The following KRT5 variants were observed in gnomAD, a reference collection of about 807,000 sequenced individuals.
The protein encoded by KRT5 is keratin, type II cytoskeletal 5.
KRT5 carries 17 observed loss-of-function variants against 44.0 expected under a neutral mutation model. The observed-to-expected ratio is 0.39, with a 90% CI of 0.26 to 0.58. The LOEUF (loss-of-function observed/expected upper bound fraction) is 0.58, where lower values mean the gene tolerates loss of function less well. KRT5 is among the 20% of genes least tolerant of loss of function. KRT5 has a pLI of 0.61. For missense variants in KRT5, 737 were observed against 785.5 expected, an observed-to-expected ratio of 0.94 and a Z score of 0.74; for synonymous variants, 329 against 312.8, an observed-to-expected ratio of 1.05 and a Z score of -0.55.
chr12:52,515,066 C>T lies in KRT5; in HGVS notation c.1649G>A (p.Gly550Asp). 1.2e-6 allele frequency: 2 copies of T among 1,612,074 alleles called. No individual in the cohort carries two copies. Among genetic ancestry groups the T allele is most frequent in the Non-Finnish European group, 1.7e-6 (2 of 1,179,358 alleles). ...GCCACTGCTTGCACTGAAGCCAGAGCCCCCCACACTGAGCCCACCACCTAG... is the reference window on the plus strand; with the variant it reads ...GCCACTGCTTGCACTGAAGCCAGAGTCCCCCACACTGAGCCCACCACCTAG... ...VGLGGGLSVG[G>D]SGFSASSGRG... The change falls in exon 9 of 9, where the codon GGC (glycine) becomes GAC (aspartate). Residue 550 changes from glycine (G) to aspartate (D), a missense_variant. Coordinates refer to ENST00000252242, the MANE Select transcript of KRT5 (RefSeq NM_000424.4).
chr12:52,519,965 G>A lies in KRT5; in HGVS notation c.332C>T (p.Ala111Val). The change falls in exon 1 of 9, where the codon GCT becomes GTT. Residue 111 changes from alanine (A) to valine (V), a missense_variant. Physicochemically the swap from Ala to Val is moderately conservative, Grantham distance 64 (BLOSUM62 0). Around this residue, in one of 5 missense-constraint regions of KRT5, gnomAD observed 326 missense variants for 333.1 expected, o/e 0.98. Transcript: ENST00000252242. The stretch of plus-strand genomic sequence containing the variant: ...GCCACCGAGCCCAAAGCCACCACCA[G>A]CTCCACCGCCGAAACCAAATCCACT... ...AGSGFGFGGG[A>V]GGGFGLGGGA... The A allele has an allele frequency of 6.2e-7, 1 of 1,611,518 alleles. No individual in the cohort carries two copies. The highest frequency in any genetic ancestry group is 8.5e-7 in the Non-Finnish European group (1 of 1,178,812).
chr12:52,515,768 C>G (rs774798876), intron 8 of KRT5, 30 bp downstream of exon 8: 5 of 1,578,282 alleles, frequency 3.2e-6, no homozygotes, highest in Non-Finnish European at 4.4e-6. Flanking sequence ...ATATTATTGT[C>G]GTTGTTAATG....
Position 52,520,235 on chromosome 12 carries a change from G to C in KRT5, c.62C>G (p.Ser21Cys). The change falls in exon 1 of 9, where the codon TCT becomes TGT. Residue 21 changes from serine to cysteine, a missense_variant. Physicochemically the swap from Ser to Cys is moderately radical, Grantham distance 112 (BLOSUM62 -1). Coordinates refer to ENST00000252242, the MANE Select transcript of KRT5 (RefSeq NM_000424.4). ...SGGSRSFSTA[S>C]AITPSVSRTS... Reference sequence around the variant, plus strand: ...GCGGGAGACAGACGGGGTGATGGCAGAGGCGGTGCTGAAGCTACGACTGCC... The same window carrying C: ...GCGGGAGACAGACGGGGTGATGGCACAGGCGGTGCTGAAGCTACGACTGCC... The C allele has an allele frequency of 1.2e-6, 2 of 1,614,054 alleles. No individual in the cohort carries two copies. Among genetic ancestry groups the C allele is most frequent in the Non-Finnish European group, 1.7e-6 (2 of 1,180,046 alleles).
At position 52,517,656 on chromosome 12, in the gene KRT5, G is replaced by T. The variant is rs756142099; in HGVS notation, c.1026C>A (p.Val342=). The change falls in exon 5 of 9, where the codon GTC becomes GTA. Residue 342 remains valine (V), a synonymous_variant. Coordinates refer to ENST00000252242, the MANE Select transcript of KRT5 (RefSeq NM_000424.4). The stretch of plus-strand genomic sequence containing the variant: ...TGGCAATCTCCTCATACTGGGCCTT[G>T]ACCTCAGCGATGATGCTATCCAGGT... ...NLDLDSIIAE[V]KAQYEEIANR... 6.2e-7 allele frequency: 1 copy of T among 1,614,206 alleles called. No homozygotes were observed. Among genetic ancestry groups the T allele is most frequent in the East Asian group, 2.2e-5 (1 of 44,878 alleles).
chr12:52,517,083 T>C, intron 6 of KRT5, 24 bp downstream of exon 6: 1 of 1,614,036 alleles, frequency 6.2e-7, no homozygotes, highest in South Asian at 1.1e-5. Context: ...GCCCCTTCCT[T>C]GCCCTCTTTC....
At position 52,520,152 on chromosome 12, in the gene KRT5, C is replaced by A; in HGVS notation, c.145G>T (p.Val49Phe). 1.9e-6 allele frequency: 3 copies of A among 1,613,934 alleles called. No individual in the cohort carries two copies. Among genetic ancestry groups the A allele is most frequent in the Non-Finnish European group, 2.5e-6 (3 of 1,179,878 alleles). ...ACTCCACAAGCACCCGCAAGGCTGA[C>A]CCTGCCGAAGCCACCACCACCGCCA... is the stretch of plus-strand genomic sequence containing the variant. The part of the protein sequence containing the change: ...GGGGGGGFGR[V>F]SLAGACGVGG... The change falls in exon 1 of 9, where the codon GTC becomes TTC. Residue 49 changes from valine to phenylalanine, a missense_variant. This residue lies in a region of KRT5 where 326 missense variants were observed against 333.1 expected (regional missense o/e 0.98). Coordinates refer to ENST00000252242, the MANE Select transcript of KRT5 (RefSeq NM_000424.4).
chr12:52,514,917 G>A lies in KRT5; in HGVS notation c.*25C>T. 6.2e-7 allele frequency: 1 copy of A among 1,600,762 alleles called. No individual in the cohort carries two copies. Among genetic ancestry groups the A allele is most frequent in the South Asian group, 1.1e-5 (1 of 90,778 alleles). ...TCCATGGGCTGGGTTGCTGCACTTGGAAGGCAGTGACTTGCAGCAGGTTCT... is the reference window on the plus strand; with the variant it reads ...TCCATGGGCTGGGTTGCTGCACTTGAAAGGCAGTGACTTGCAGCAGGTTCT... On this transcript the variant is annotated 3_prime_UTR_variant, in exon 9 of 9. Transcript: ENST00000252242.
intron 7 of KRT5, chr12:52,516,403 G>C: frequency 5.3e-6 from 3 of 562,606 alleles, no homozygotes; most frequent in South Asian, 1.9e-5. Context: ...AGATTGCTGA[G>C]TTGCTCAGGT....
At position 52,517,922 on chromosome 12, in the gene KRT5, T is replaced by A. The variant is rs1325728628; in HGVS notation, c.902A>T (p.Asn301Ile). 2 of 1,614,058 alleles carry A rather than the reference T, an allele frequency of 1.2e-6. No individual in the cohort carries two copies. Among genetic ancestry groups the A allele is most frequent in the Admixed American group, 1.7e-5 (1 of 60,010 alleles). The change falls in exon 4 of 9, where the codon AAC (asparagine) becomes ATC (isoleucine). Residue 301 changes from asparagine to isoleucine, a missense_variant. Coordinates refer to ENST00000252242, the MANE Select transcript of KRT5 (RefSeq NM_000424.4). ...CGCATCAAAGAACATCTTCATGAAG[T>A]TAATCTCATCCATCAGTGCATCAAC... ...AKVDALMDEI[N>I]FMKMFFDAEL...
chr12:52,515,438 A>C (rs1938594678), intron 8 of KRT5, 198 bp from the exon 9 acceptor site: 3 of 714,896 alleles, frequency 4.2e-6, no homozygotes, highest in Non-Finnish European at 7.2e-6. Context: ...CTAGGTACTG[A>C]GAGGAGCTAG....
chr12:52,519,133 C>T lies in KRT5; in HGVS notation c.583G>A (p.Val195Ile), dbSNP rs766733036. The change falls in exon 2 of 9, where the codon GTT becomes ATT. Residue 195 changes from valine to isoleucine, a missense_variant. Coordinates refer to ENST00000252242, the MANE Select transcript of KRT5 (RefSeq NM_000424.4). The stretch of plus-strand genomic sequence containing the variant: ...AGCAGGGTCCACTTGGTGTCCAGAA[C>T]CTTGTTCTGCTGCTCCAGGAACCGC... ...KVRFLEQQNK[V>I]LDTKWTLLQE... 7.4e-6 allele frequency: 12 copies of T among 1,614,186 alleles called. No individual in the cohort carries two copies. Among genetic ancestry groups the T allele is most frequent in the South Asian group, 1.1e-5 (1 of 91,084 alleles).
In KRT5 at chr12:52,517,523, G is replaced by C. The variant is rs1218366457; in HGVS notation, c.1092+67C>G. 4 of 1,546,440 alleles carry C rather than the reference G, an allele frequency of 2.6e-6. No homozygotes were observed. The Admixed American group carries it at 5.0e-5, about 19-fold the overall frequency. On this transcript the variant is annotated intron_variant, in intron 5 of 8. Transcript: ENST00000252242. ...TTCCAGGAGCCCCATTCTTAGTGTCGTCATGGCCTAGAATCCTAGACATGG... is the reference window on the plus strand; with the variant it reads ...TTCCAGGAGCCCCATTCTTAGTGTCCTCATGGCCTAGAATCCTAGACATGG...
Position 52,514,654 on chromosome 12 carries a change from T to G in KRT5, c.*288A>C. ...CAAAATTTGGGATTGGGGTGGGGATTCTGTTTTGATGATTTAGATTTGGGA... is the reference window on the plus strand; with the variant it reads ...CAAAATTTGGGATTGGGGTGGGGATGCTGTTTTGATGATTTAGATTTGGGA... On this transcript the variant is annotated 3_prime_UTR_variant, in exon 9 of 9. Transcript: ENST00000252242. 1 of 445,450 alleles carries G rather than the reference T, an allele frequency of 2.2e-6. No homozygotes were observed. Among genetic ancestry groups the G allele is most frequent in the East Asian group, 3.6e-5 (1 of 27,628 alleles). 27.6% of individuals were successfully genotyped at this position (445,450 alleles called of 1,614,324 possible). A position where few individuals can be genotyped will look rare whatever the true frequency, so the allele number is the denominator to read the frequency against.
chr12:52,515,499 G>A (rs1433265263), intron 8 of KRT5: 1 of 624,392 alleles, frequency 1.6e-6, no homozygotes, highest in Non-Finnish European at 2.8e-6. Context: ...AGGGGAGCTA[G>A]GTACTGAGGG....
rs370092013 is a variant in KRT5 at position 52,517,224 on chromosome 12, C to T, written c.1101G>A (p.Glu367=). ...AESWYQTKYE[E]LQQTAGRHGD... Reference sequence around the variant, plus strand: ...CATGCCGGCCAGCTGTCTGCTGCAGCTCCTCATACTGATGCAGCCAGGAAA... The same window carrying T: ...CATGCCGGCCAGCTGTCTGCTGCAGTTCCTCATACTGATGCAGCCAGGAAA... The change falls in exon 6 of 9, where the codon GAG becomes GAA. Residue 367 remains glutamate, a synonymous_variant. Transcript: ENST00000252242. 4 of 1,614,008 alleles carry T rather than the reference C, an allele frequency of 2.5e-6. No homozygotes were observed. In the African/African-American group the frequency reaches 5.3e-5, roughly 22 times the overall value.
chr12:52,515,071 C>A lies in KRT5; in HGVS notation c.1644G>T (p.Val548=), dbSNP rs141330791. The A allele has an allele frequency of 4.2e-5, 67 of 1,612,768 alleles. No homozygotes were observed. The highest frequency in any genetic ancestry group is 2.2e-4 in the East Asian group (10 of 44,840). ...GGVGLGGGLS[V]GGSGFSASSG... ...TGCTTGCACTGAAGCCAGAGCCCCCCACACTGAGCCCACCACCTAGGCCGA... is the reference window on the plus strand; with the variant it reads ...TGCTTGCACTGAAGCCAGAGCCCCCAACACTGAGCCCACCACCTAGGCCGA... Residue 548 remains valine, a synonymous_variant, in exon 9 of 9, where the codon GTG becomes GTT. Coordinates refer to ENST00000252242, the MANE Select transcript of KRT5 (RefSeq NM_000424.4).
At position 52,515,259 on chromosome 12, in the gene KRT5, G is replaced by A. The variant is rs763444328; in HGVS notation, c.1475-19C>T. The stretch of plus-strand genomic sequence containing the variant: ...ACAACAGCTGCAGGGAAAGGAGGGA[G>A]GACTCAGTGAGACCATCTGCCAGGC... On this transcript the variant is annotated intron_variant, in intron 8 of 8. Coordinates refer to ENST00000252242, the MANE Select transcript of KRT5 (RefSeq NM_000424.4). The A allele has an allele frequency of 1.0e-5, 16 of 1,603,398 alleles. No homozygotes were observed. Among genetic ancestry groups the A allele is most frequent in the Non-Finnish European group, 1.4e-5 (16 of 1,179,958 alleles).
intron 6 of KRT5, 25 bp from the exon 7 acceptor site, chr12:52,516,882 G>T: frequency 6.2e-7 from 1 of 1,612,254 alleles, no homozygotes; most frequent in Middle Eastern, 1.7e-4. Flanking sequence ...GAGGAGAGTG[G>T]GGTTGCTTGG....
At position 52,515,090 on chromosome 12, in the gene KRT5, A is replaced by G. The variant is rs1938585437; in HGVS notation, c.1625T>C (p.Leu542Pro). ...GCCCCCCACACTGAGCCCACCACCTAGGCCGACACCCCCACTGCTGCTGGA... is the reference window on the plus strand; with the variant it reads ...GCCCCCCACACTGAGCCCACCACCTGGGCCGACACCCCCACTGCTGCTGGA... ...YYSSSSGGVG[L>P]GGGLSVGGSG... Residue 542 changes from leucine to proline, a missense_variant, in exon 9 of 9, where the codon CTA becomes CCA. Physicochemically the swap from Leu to Pro is moderately conservative, Grantham distance 98 (BLOSUM62 -3). Around this residue, in one of 5 missense-constraint regions of KRT5, gnomAD observed 344 missense variants for 351.6 expected, o/e 0.98. Coordinates refer to ENST00000252242, the MANE Select transcript of KRT5 (RefSeq NM_000424.4). 1 of 1,609,016 alleles carries G rather than the reference A, an allele frequency of 6.2e-7. No individual in the cohort carries two copies. The highest frequency in any genetic ancestry group is 2.2e-5 in the East Asian group (1 of 44,692).
Sources: gnomAD v4.1 joint callset for allele counts on GRCh38, gnomAD v4.1.1 for gene constraint, gnomAD v4.1.1 regional missense constraint, MANE v1.5 for transcripts, NCBI Gene and HGNC (gene_info 2026-07-23, HGNC 2026-07-21) for gene names.